The following JAKMIP2 variants were observed in gnomAD, a reference collection of about 807,000 sequenced individuals.
JAKMIP2 encodes the protein janus kinase and microtubule interacting protein 2.
In JAKMIP2, 25 loss-of-function variants were observed where a neutral mutation model predicts 115.0. The ratio of observed to expected loss-of-function variants is 0.22; its 90% CI spans 0.16 to 0.30. The LOEUF is 0.30. Among genes scored for constraint, JAKMIP2 ranks in the 10% least tolerant of loss-of-function variants. JAKMIP2 has a pLI of 1.00. For missense variants in JAKMIP2, 642 were observed against 957.6 expected, an observed-to-expected ratio of 0.67 and a Z score of 4.35; for synonymous variants, 334 against 343.6, an observed-to-expected ratio of 0.97 and a Z score of 0.31.
chr5:147,657,953 T>G (rs148536019), intron 3 of JAKMIP2, among the ~76,000 whole-genome samples: 199 of 152,190 alleles, frequency 1.3e-3, no homozygotes, highest in African/African-American at 4.3e-3. Context: ...TAGAACATGC[T>G]CCTTTAGCTC....
chr5:147,588,141 A>G lies in JAKMIP2; in HGVS notation c.*3566T>C, dbSNP rs56997531. ...GTAATAGATGCTTTTTAAGTATGAT[A>G]GTCAAAGATAGTCTCTCTATGTTTT... On this transcript the variant is annotated 3_prime_UTR_variant, in exon 22 of 22. Coordinates refer to ENST00000616793, the MANE Select transcript of JAKMIP2 (RefSeq NM_001270941.2). The G allele has an allele frequency of 1.9e-4, 29 of 152,256 alleles. No homozygotes were observed. The highest frequency in any genetic ancestry group is 6.3e-4 in the African/African-American group (26 of 41,544). 9.4% of individuals were successfully genotyped at this position (152,256 alleles called of 1,614,324 possible).
chr5:147,636,477 C>A (rs1458317396), intron 11 of JAKMIP2, 193 bp from the exon 12 acceptor site: 7 of 601,112 alleles, frequency 1.2e-5, no homozygotes, highest in Non-Finnish European at 2.1e-5. Flanking sequence ...ATTTAACCCC[C>A]TTTTCATCAT....
At position 147,639,675 on chromosome 5, in the gene JAKMIP2, T is replaced by C. The variant is rs1468180882; in HGVS notation, c.1487A>G (p.Gln496Arg). 3 of 1,613,980 alleles carry C rather than the reference T, an allele frequency of 1.9e-6. No homozygotes were observed. Among genetic ancestry groups the C allele is most frequent in the Non-Finnish European group, 2.5e-6 (3 of 1,179,886 alleles). The change falls in exon 10 of 22, where the codon CAG becomes CGG. Residue 496 changes from glutamine (Q) to arginine (R), a missense_variant. Coordinates refer to ENST00000616793, the MANE Select transcript of JAKMIP2 (RefSeq NM_001270941.2). ...GTCGATGATGCCTCCCGTCTGCTCC[T>C]GTAGGAGGGCATATGCTCTTTGGAG... ...QALQRAYALL[Q>R]EQTGGIIDAE...
At chr5:147,597,176 C>A (rs1320806460) in intron 21 of JAKMIP2, among the ~76,000 whole-genome samples, 1 of 152,006 alleles carries the variant, frequency 6.6e-6, no homozygotes, top group Non-Finnish European at 1.5e-5. Flanking sequence ...AGCCACCGCG[C>A]CTGGCCGATC....
chr5:147,603,537 C>A (rs1433814459), intron 20 of JAKMIP2, among the ~76,000 whole-genome samples: 1 of 152,150 alleles, frequency 6.6e-6, no homozygotes, highest in African/African-American at 2.4e-5. Context: ...CATACAGGAT[C>A]TTTAGCCTTT....
intron 3 of JAKMIP2, chr5:147,660,601 C>T (rs983093783): frequency 2.2e-5 from 8 of 368,132 alleles, no homozygotes; most frequent in African/African-American, 1.7e-4. Flanking sequence ...TAGAAGAATC[C>T]ATGATTTAGA....
intron 21 of JAKMIP2, 81 bp from the exon 22 acceptor site, chr5:147,591,767 C>G (rs1350403201): frequency 1.1e-6 from 1 of 886,518 alleles, no homozygotes; most frequent in Non-Finnish European, 1.8e-6. Context: ...TAAAAAAAGA[C>G]ACAAATTTTT....
At chr5:147,719,010 C>T (rs1236413995) in intron 1 of JAKMIP2, among the ~76,000 whole-genome samples, 1 of 139,910 alleles carries the variant, frequency 7.1e-6, no homozygotes, top group Non-Finnish European at 1.5e-5. Flanking sequence ...CCTCTACACA[C>T]TGCTTTGAAT....
At chr5:147,657,202 C>A (rs1186046401) in intron 3 of JAKMIP2, among the ~76,000 whole-genome samples, 3 of 150,110 alleles carry the variant, frequency 2.0e-5, no homozygotes, top group South Asian at 2.1e-4. Context: ...ATGGCATGAA[C>A]CCGGGAGGCG....
chr5:147,599,120 CTAGTA>C (rs1214599069), intron 21 of JAKMIP2, among the ~76,000 whole-genome samples: 1 of 152,106 alleles, frequency 6.6e-6, no homozygotes, highest in African/African-American at 2.4e-5. Flanking sequence ...TACTAGAATA[CTAGTA>C]TAATTTAGTG....
chr5:147,644,232 C>T (rs377547018), intron 6 of JAKMIP2, 34 bp from the exon 7 acceptor site: 8 of 1,477,620 alleles, frequency 5.4e-6, no homozygotes, highest in Middle Eastern at 4.3e-4. Flanking sequence ...CAGGTGGAGA[C>T]TTTAAAAACC....
At chr5:147,688,495 G>A (rs1760677986) in intron 1 of JAKMIP2, among the ~76,000 whole-genome samples, 1 of 152,140 alleles carries the variant, frequency 6.6e-6, no homozygotes, top group Non-Finnish European at 1.5e-5. Flanking sequence ...ATGTTGCACT[G>A]GTTGCTTCAT....
rs922649284 is a variant in JAKMIP2, at chr5:147,662,001, C to T, written c.130-556G>A. 6 of 151,918 alleles carry T rather than the reference C, an allele frequency of 3.9e-5. No individual in the cohort carries two copies. The South Asian group carries it at 1.2e-3, about 32-fold the overall frequency. 9.4% of individuals were successfully genotyped at this position (151,918 alleles called of 1,614,324 possible). A position where few individuals can be genotyped will look rare whatever the true frequency, so the allele number is the denominator to read the frequency against. The stretch of plus-strand genomic sequence containing the variant: ...TTGTGATAAGGCTAATAAATTAGTG[C>T]CTCAAGTGATATTATTGAGCATCCG... On this transcript the variant is annotated intron_variant, in intron 2 of 21. Transcript: ENST00000616793.
At position 147,628,760 on chromosome 5, in the gene JAKMIP2, C is replaced by A; in HGVS notation, c.1986G>T (p.Leu662=). Residue 662 remains leucine, a synonymous_variant, in exon 16 of 22, where the codon CTG becomes CTT. Transcript: ENST00000616793. ...TTGTACGGCTCATTACCTTCTCTGC[C>A]AGGGACAGCACAGTGCTGGCCTGAA... The part of the protein sequence containing the change: ...AIIQASTVLS[L]AEKWIQQIEG... 6.2e-7 allele frequency: 1 copy of A among 1,611,786 alleles called. No individual in the cohort carries two copies. Among genetic ancestry groups the A allele is most frequent in the Non-Finnish European group, 8.5e-7 (1 of 1,178,634 alleles).
intron 1 of JAKMIP2, among the ~76,000 whole-genome samples, chr5:147,710,937 CAGAGGAATAAAA>C (rs1467457221): frequency 5.9e-5 from 9 of 152,202 alleles, no homozygotes; most frequent in South Asian, 2.1e-4. Flanking sequence ...TCTCAACAGA[CAGAGGAATAAAA>C]ATCTTTCTAC....
chr5:147,748,889 TG>T (rs1754451724), intron 1 of JAKMIP2, among the ~76,000 whole-genome samples: 1 of 152,192 alleles, frequency 6.6e-6, no homozygotes, highest in Non-Finnish European at 1.5e-5. Context: ...CCAGAAGACC[TG>T]CTTGGGACTC....
At chr5:147,594,818 T>G (rs928148526) in intron 21 of JAKMIP2, among the ~76,000 whole-genome samples, 1 of 152,150 alleles carries the variant, frequency 6.6e-6, no homozygotes, top group Non-Finnish European at 1.5e-5. Flanking sequence ...GCTATTAATA[T>G]TACCTCCACA....
chr5:147,657,136 C>G (rs551072315), intron 3 of JAKMIP2, among the ~76,000 whole-genome samples: 2 of 152,048 alleles, frequency 1.3e-5, no homozygotes, highest in Non-Finnish European at 2.9e-5. Context: ...AAAAATTGGC[C>G]GGGCATGGTG....
At chr5:147,610,403 T>C (rs529485801) in intron 20 of JAKMIP2, among the ~76,000 whole-genome samples, 1 of 152,328 alleles carries the variant, frequency 6.6e-6, no homozygotes, top group Non-Finnish European at 1.5e-5. Context: ...GTTGATGCTA[T>C]TGCTTTCTGT....
Sources: gnomAD v4.1 joint callset for allele counts (sites outside exome capture counted in the v4.1 genomes callset) on GRCh38, gnomAD v4.1.1 for gene constraint, MANE v1.5 for transcripts, NCBI Gene and HGNC (gene_info 2026-07-23, HGNC 2026-07-21) for gene names.